VPS13C: variants seen among roughly 807,000 people sequenced by gnomAD.
VPS13C encodes vacuolar protein sorting 13 homolog C, also known as intermembrane lipid transfer protein VPS13C.
VPS13C carries 358 observed loss-of-function variants against 456.8 expected under a neutral mutation model. The ratio of observed to expected loss-of-function variants is 0.78; its 90% confidence interval spans 0.72 to 0.86. The LOEUF (loss-of-function observed/expected upper bound fraction) is 0.86, where lower values mean the gene tolerates loss of function less well. VPS13C is among the 40% of genes least tolerant of loss of function. The pLI is 0.00. For synonymous variants in VPS13C, 1,578 were observed against 1,486.7 expected (o/e 1.06, Z -1.41); for missense variants, 4,818 against 4,385.4 (o/e 1.10, Z -2.79).
chr15:62,059,889 G>C (rs1567160973), intron 1 of VPS13C, among the ~76,000 whole-genome samples: 1 of 152,188 alleles, frequency 6.6e-6, no homozygotes, highest in Non-Finnish European at 1.5e-5. Flanking sequence ...TATATGACCA[G>C]ACAACCATGC....
intron 50 of VPS13C, among the ~76,000 whole-genome samples, chr15:61,930,655 G>C (rs1279181632): frequency 2.6e-5 from 4 of 152,112 alleles, no homozygotes; most frequent in Admixed American, 6.5e-5. Flanking sequence ...GAATGCGCTC[G>C]AGATTCTATT....
intron 82 of VPS13C, among the ~76,000 whole-genome samples, chr15:61,860,568 G>A (rs1174842753): frequency 6.6e-6 from 1 of 152,170 alleles, no homozygotes; most frequent in Non-Finnish European, 1.5e-5. Context: ...GTCCAATAGT[G>A]AGGGAGTATT....
chr15:61,893,325 C>T (rs1342014756), intron 66 of VPS13C, among the ~76,000 whole-genome samples: 2 of 152,110 alleles, frequency 1.3e-5, no homozygotes, highest in African/African-American at 2.4e-5. Flanking sequence ...AGTGGGACAA[C>T]ATACTCAAAG....
At chr15:61,908,954 C>G in intron 65 of VPS13C, 38 bp downstream of exon 65, 2 of 1,596,106 alleles carry the variant, frequency 1.3e-6, no homozygotes, top group Non-Finnish European at 1.7e-6. Context: ...TACTATGAAC[C>G]AATAAAAGTA....
At chr15:61,905,926 G>T (rs2043140470) in intron 66 of VPS13C, among the ~76,000 whole-genome samples, 1 of 151,896 alleles carries the variant, frequency 6.6e-6, no homozygotes, top group Admixed American at 6.6e-5. Flanking sequence ...TTTCATAGTT[G>T]TCATGTCTTT....
At chr15:61,938,513 G>A (rs899712161) in intron 47 of VPS13C, among the ~76,000 whole-genome samples, 1 of 152,104 alleles carries the variant, frequency 6.6e-6, no homozygotes, top group African/African-American at 2.4e-5. Context: ...AGAGAGACCT[G>A]GATCAGCGAC....
chr15:61,911,126 T>C (rs2043290431), intron 63 of VPS13C, among the ~76,000 whole-genome samples: 1 of 152,184 alleles, frequency 6.6e-6, no homozygotes, highest in South Asian at 2.1e-4. Context: ...CCTTCAACTA[T>C]CCTGAGAGTC....
At chr15:61,952,527 G>C (rs1268159748) in intron 38 of VPS13C, among the ~76,000 whole-genome samples, 1 of 151,928 alleles carries the variant, frequency 6.6e-6, no homozygotes, top group Non-Finnish European at 1.5e-5. Context: ...ATGTGTGTTT[G>C]TGTGTGTGTG....
At chr15:62,041,244 A>G in intron 3 of VPS13C, 80 bp downstream of exon 3, 5 of 1,473,670 alleles carry the variant, frequency 3.4e-6, no homozygotes, top group Non-Finnish European at 4.6e-6. Flanking sequence ...TTAATCAAAG[A>G]TTTTTTTAGG....
intron 19 of VPS13C, 41 bp downstream of exon 19, chr15:61,984,816 T>A: frequency 6.3e-7 from 1 of 1,590,320 alleles, no homozygotes; most frequent in Non-Finnish European, 8.6e-7. Context: ...CCTAAAACTA[T>A]AACTAAAAGT....
chr15:61,920,195 T>G lies in VPS13C; in HGVS notation c.7349A>C (p.Lys2450Thr). The G allele has an allele frequency of 1.9e-6, 3 of 1,613,618 alleles. No homozygotes were observed. The highest frequency in any genetic ancestry group is 2.5e-6 in the Non-Finnish European group (3 of 1,179,664). ...AGCATCAACATCAAAAATATCACTTTTCTCAGGGAAGCCCATTACTCTGAG... is the reference window on the plus strand; with the variant it reads ...AGCATCAACATCAAAAATATCACTTGTCTCAGGGAAGCCCATTACTCTGAG... Reference protein sequence around the residue: ...CNLRVMGFPEKSDIFDVDAGQ... With the variant: ...CNLRVMGFPETSDIFDVDAGQ... Residue 2450 changes from lysine to threonine, a missense_variant, in exon 57 of 85, where the codon AAA becomes ACA. Coordinates refer to ENST00000644861, the MANE Select transcript of VPS13C (RefSeq NM_020821.3).
chr15:61,885,632 G>A (rs1022426404), intron 67 of VPS13C, among the ~76,000 whole-genome samples: 4 of 152,122 alleles, frequency 2.6e-5, no homozygotes, highest in Non-Finnish European at 4.4e-5. Flanking sequence ...ACAAAAGGTG[G>A]ACTGAAATAT....
chr15:61,904,043 T>C (rs999541633), intron 66 of VPS13C, among the ~76,000 whole-genome samples: 5 of 152,012 alleles, frequency 3.3e-5, no homozygotes, highest in South Asian at 2.1e-4. Context: ...AAAGAAAACA[T>C]TGGGGAAATG....
At chr15:61,862,270 A>G (rs1375917366) in intron 82 of VPS13C, among the ~76,000 whole-genome samples, 1 of 152,226 alleles carries the variant, frequency 6.6e-6, no homozygotes, top group Non-Finnish European at 1.5e-5. Context: ...CTGGTCAGGT[A>G]TATTTTACTA....
chr15:61,913,200 T>TA (rs984965471), intron 62 of VPS13C, 111 bp downstream of exon 62: 2 of 946,504 alleles, frequency 2.1e-6, no homozygotes, highest in African/African-American at 3.3e-5. Flanking sequence ...CAAAGGACTA[T>TA]AAATCATGCT....
Position 61,947,131 on chromosome 15 carries a change from A to C in VPS13C, c.4876+62T>G. On this transcript the variant is annotated intron_variant, in intron 43 of 84. Transcript: ENST00000644861. Reference sequence around the variant, plus strand: ...ACTCATGAGAAATCTAACAGGTACAAGCTCATTTTTCCTAGTTATGTAAAG... The same window carrying C: ...ACTCATGAGAAATCTAACAGGTACACGCTCATTTTTCCTAGTTATGTAAAG... 9 of 1,101,442 alleles carry C rather than the reference A, an allele frequency of 8.2e-6. 2 individuals carry two copies. The South Asian group carries it at 1.4e-4, about 17-fold the overall frequency. 68.2% of individuals were successfully genotyped at this position (1,101,442 alleles called of 1,614,324 possible).
rs1193402260 is a variant in VPS13C, at chr15:61,920,101, G to C, written c.7443C>G (p.Ser2481Arg). The C allele has an allele frequency of 1.2e-6, 2 of 1,612,034 alleles. No individual in the cohort carries two copies. The highest frequency in any genetic ancestry group is 1.7e-6 in the Non-Finnish European group (2 of 1,178,768). Residue 2481 changes from serine to arginine, a missense_variant, in exon 57 of 85, where the codon AGC becomes AGG. This residue lies in a region of VPS13C where 4,552 missense variants were observed against 4,130.6 expected (regional missense o/e 1.10). Transcript: ENST00000644861. ...PSSQGNLSIL[S>R]RQESSFFTLT... ...GAGTGAAGAAGGAGCTTTCTTGACG[G>C]CTCAATATAGATAGGTTCCCTTGAC...
At chr15:61,926,208 G>A (rs1157692317) in intron 52 of VPS13C, among the ~76,000 whole-genome samples, 1 of 152,096 alleles carries the variant, frequency 6.6e-6, no homozygotes, top group African/African-American at 2.4e-5. Flanking sequence ...AGACCAGCCT[G>A]CACAATATAG....
intron 82 of VPS13C, 58 bp from the exon 83 acceptor site, chr15:61,856,467 C>T: frequency 6.3e-7 from 1 of 1,595,968 alleles, no homozygotes; most frequent in Admixed American, 1.7e-5. Context: ...TTTATTCTTG[C>T]CAATATTTCA....
Sources: gnomAD v4.1 joint callset for allele counts (sites outside exome capture counted in the v4.1 genomes callset) on GRCh38, gnomAD v4.1.1 for gene constraint, gnomAD v4.1.1 regional missense constraint, MANE v1.5 for transcripts, NCBI Gene and HGNC (gene_info 2026-07-23, HGNC 2026-07-21) for gene names.